Variants in KDM4C observed in about 807,000 individuals in gnomAD.
KDM4C encodes the protein lysine-specific demethylase 4C.
A neutral mutation model predicts 129.3 loss-of-function variants in KDM4C; 81 were observed. The ratio of observed to expected loss-of-function variants is 0.63; its 90% CI spans 0.52 to 0.75. The LOEUF (loss-of-function observed/expected upper bound fraction) is 0.75, where lower values mean the gene tolerates loss of function less well. Among genes scored for constraint, KDM4C ranks in the 30% least tolerant of loss-of-function variants. The probability of loss-of-function intolerance (pLI) is 0.00; values close to 1 mark genes in which losing one functional copy is unlikely to be tolerated. For synonymous variants in KDM4C, 573 were observed against 456.1 expected, an observed-to-expected ratio of 1.26 and a Z score of -3.26; for missense variants, 1,457 against 1,304.0, an observed-to-expected ratio of 1.12 and a Z score of -1.81.
intron 15 of KDM4C, among the ~76,000 whole-genome samples, chr9:7,030,061 G>C (rs1587052223): frequency 6.6e-6 from 1 of 152,236 alleles, no homozygotes; most frequent in Non-Finnish European, 1.5e-5. Flanking sequence ...GAAGGAAGAT[G>C]TAAAAGTAAT....
chr9:6,729,204 C>CAAAAAAAAAAAAAAAAAAAA (rs1186478804), intron 1 of KDM4C, among the ~76,000 whole-genome samples: 1 of 32,110 alleles, frequency 3.1e-5, no homozygotes, highest in African/African-American at 2.1e-4. Flanking sequence ...GCTCCGTCTC[C>CAAAAAAAAAAAAAAAAAAAA]AAAAAAAAAA....
intron 17 of KDM4C, among the ~76,000 whole-genome samples, chr9:7,054,752 C>T (rs1459279121): frequency 2.0e-5 from 3 of 152,140 alleles, no homozygotes; most frequent in Non-Finnish European, 4.4e-5. Flanking sequence ...AATTAAAGAT[C>T]TGTGGTATTT....
At chr9:6,908,900 A>G (rs1223813263) in intron 8 of KDM4C, among the ~76,000 whole-genome samples, 1 of 152,200 alleles carries the variant, frequency 6.6e-6, no homozygotes, top group Non-Finnish European at 1.5e-5. Flanking sequence ...AAACTCCTGG[A>G]GTAGTGACTG....
At chr9:7,085,462 C>CT (rs1350281317) in intron 17 of KDM4C, among the ~76,000 whole-genome samples, 2 of 152,054 alleles carry the variant, frequency 1.3e-5, no homozygotes, top group Non-Finnish European at 2.9e-5. Context: ...GAAAAACAGG[C>CT]TTTTTTCAGG....
chr9:6,960,526 T>C (rs1563889587), intron 8 of KDM4C, among the ~76,000 whole-genome samples: 1 of 152,072 alleles, frequency 6.6e-6, no homozygotes, highest in Non-Finnish European at 1.5e-5. Context: ...TCCAAAATGC[T>C]GGAATTACAG....
At chr9:6,923,645 G>T (rs988828971) in intron 8 of KDM4C, among the ~76,000 whole-genome samples, 1 of 152,202 alleles carries the variant, frequency 6.6e-6, no homozygotes, top group African/African-American at 2.4e-5. Flanking sequence ...TCAGAGTCTT[G>T]TGGGGTTTGA....
At chr9:7,139,770 A>C (rs971478692) in intron 19 of KDM4C, among the ~76,000 whole-genome samples, 1 of 152,188 alleles carries the variant, frequency 6.6e-6, no homozygotes, top group African/African-American at 2.4e-5. Flanking sequence ...CTGGAACTTT[A>C]TCTCATATCA....
chr9:7,128,196 A>G lies in KDM4C; in HGVS notation c.2741A>G (p.Asp914Gly), dbSNP rs201899818. The change falls in exon 19 of 22, where the codon GAT (aspartate) becomes GGT (glycine). Residue 914 changes from aspartate (D) to glycine (G), a missense_variant. By Grantham distance (94) the Asp-to-Gly change is moderately conservative (BLOSUM62 -1). Transcript: ENST00000381309. Reference protein sequence around the residue: ...SQTFYEVMFDDGSFSRDTFPE... With the variant: ...SQTFYEVMFDGGSFSRDTFPE... ...ACCTTCTATGAGGTCATGTTTGATG[A>G]TGGCTCCTTTAGCAGAGACACATTT... 3 of 1,609,198 alleles carry G rather than the reference A, an allele frequency of 1.9e-6. No homozygotes were observed. The highest frequency in any genetic ancestry group is 1.7e-6 in the Non-Finnish European group (2 of 1,177,888).
intron 8 of KDM4C, among the ~76,000 whole-genome samples, chr9:6,979,246 A>T (rs1293377630): frequency 6.6e-6 from 1 of 152,212 alleles, no homozygotes; most frequent in Non-Finnish European, 1.5e-5. Flanking sequence ...CAAGATAATT[A>T]TGCAAGGTAA....
At chr9:7,135,486 A>G (rs916093081) in intron 19 of KDM4C, among the ~76,000 whole-genome samples, 7 of 152,152 alleles carry the variant, frequency 4.6e-5, no homozygotes, top group Non-Finnish European at 8.8e-5. Context: ...GGACTTCATC[A>G]TCTTTTCTCA....
At chr9:7,130,111 T>A (rs1055450347) in intron 19 of KDM4C, among the ~76,000 whole-genome samples, 1 of 152,140 alleles carries the variant, frequency 6.6e-6, no homozygotes, top group African/African-American at 2.4e-5. Flanking sequence ...GCAGGCTACA[T>A]AGTTGTTTCA....
chr9:6,917,415 G>C (rs1346992244), intron 8 of KDM4C, among the ~76,000 whole-genome samples: 1 of 152,070 alleles, frequency 6.6e-6, no homozygotes, highest in Non-Finnish European at 1.5e-5. Context: ...CCTTTCACTG[G>C]TTTCTATTGC....
At chr9:6,849,399 G>C (rs1838416316) in intron 4 of KDM4C, 108 bp from the exon 5 acceptor site, 1 of 842,694 alleles carries the variant, frequency 1.2e-6, no homozygotes, top group Non-Finnish European at 1.8e-6. Context: ...CAGTTAGTTA[G>C]AATATACAAT....
In KDM4C at chr9:6,893,183, C is replaced by T; in HGVS notation, c.872C>T (p.Thr291Ile). ...CATGGTTTCAACTGTGCAGAATCTA[C>T]AAATTTTGCTACTGTCAGATGGATT... Reference protein sequence around the residue: ...FNHGFNCAESTNFATVRWIDY... With the variant: ...FNHGFNCAESINFATVRWIDY... The change falls in exon 8 of 22, where the codon ACA becomes ATA. Residue 291 changes from threonine to isoleucine, a missense_variant. Thr to Ile is a moderately conservative substitution (Grantham distance 89). Coordinates refer to ENST00000381309, the MANE Select transcript of KDM4C (RefSeq NM_015061.6). 1 of 1,611,078 alleles carries T rather than the reference C, an allele frequency of 6.2e-7. No individual in the cohort carries two copies. Among genetic ancestry groups the T allele is most frequent in the South Asian group, 1.1e-5 (1 of 90,578 alleles).
intron 5 of KDM4C, among the ~76,000 whole-genome samples, chr9:6,860,315 A>G (rs757778993): frequency 1.3e-5 from 2 of 152,146 alleles, no homozygotes; most frequent in Non-Finnish European, 2.9e-5. Context: ...CAGAAAGAAA[A>G]CCCCACATTT....
In KDM4C at chr9:6,903,287, G is replaced by A. The variant is rs1032667226; in HGVS notation, c.921+10055G>A. Among the ~76,000 whole-genome samples, 52 of 152,230 alleles carry A rather than the reference G, an allele frequency of 3.4e-4. 1 individual carries two copies. Among genetic ancestry groups the A allele is most frequent in the Admixed American group, 2.7e-3 (41 of 15,278 alleles). On this transcript the variant is annotated intron_variant, in intron 8 of 21. Coordinates refer to ENST00000381309, the MANE Select transcript of KDM4C (RefSeq NM_015061.6). ...GACTGTTTTGTTGATTATTGAAATA[G>A]CATGAAAACTTGTTTCTTTGAAGGT...
chr9:6,987,356 G>C (rs1008676942), intron 11 of KDM4C, among the ~76,000 whole-genome samples: 1 of 152,106 alleles, frequency 6.6e-6, no homozygotes, highest in Admixed American at 6.5e-5. Context: ...TTGGAAAATT[G>C]TACAATATTG....
chr9:7,063,141 T>G (rs1831946562), intron 17 of KDM4C, among the ~76,000 whole-genome samples: 1 of 152,200 alleles, frequency 6.6e-6, no homozygotes, highest in Admixed American at 6.5e-5. Flanking sequence ...AAATAATGTA[T>G]CATAACCATG....
At chr9:6,781,893 G>A (rs1236338302) in intron 1 of KDM4C, among the ~76,000 whole-genome samples, 1 of 150,502 alleles carries the variant, frequency 6.6e-6, no homozygotes, top group Admixed American at 6.7e-5. Context: ...GCATTATCTC[G>A]GCTCACCTGC....
Sources: gnomAD v4.1 joint callset for allele counts (sites outside exome capture counted in the v4.1 genomes callset) on GRCh38, gnomAD v4.1.1 for gene constraint, MANE v1.5 for transcripts, NCBI Gene and HGNC (gene_info 2026-07-23, HGNC 2026-07-21) for gene names.